GRIA4: variants seen among roughly 807,000 people sequenced by gnomAD.
The protein encoded by GRIA4 is glutamate ionotropic receptor AMPA type subunit 4, also known as glutamate receptor 4.
GRIA4 carries 34 observed loss-of-function variants against 104.0 expected under a neutral mutation model. The observed-to-expected ratio is 0.33, with a 90% CI of 0.25 to 0.44. The LOEUF (loss-of-function observed/expected upper bound fraction) is 0.44, where lower values mean the gene tolerates loss of function less well. GRIA4 is among the 20% of genes least tolerant of loss of function. GRIA4 has a pLI of 1.00. For synonymous variants in GRIA4, 386 were observed against 381.9 expected (o/e 1.01, Z -0.13); for missense variants, 750 against 1,096.5 (o/e 0.68, Z 4.46).
At chr11:105,923,723 G>T (rs538254837) in intron 11 of GRIA4, among the ~76,000 whole-genome samples, 2 of 152,204 alleles carry the variant, frequency 1.3e-5, no homozygotes, top group African/African-American at 4.8e-5. Context: ...CCTGAGAAAT[G>T]AATCTACTGT....
intron 3 of GRIA4, among the ~76,000 whole-genome samples, chr11:105,742,814 G>A (rs990884490): frequency 6.6e-6 from 1 of 152,086 alleles, no homozygotes; most frequent in African/African-American, 2.4e-5. Context: ...TCAGTTCACA[G>A]CAACCTCCAC....
rs565637618 is a variant in GRIA4, at chr11:105,751,750, A to C, written c.248-1231A>C. 3.3e-5 allele frequency among the ~76,000 whole-genome samples: 5 copies of C among 152,326 alleles called. No individual in the cohort carries two copies. In the South Asian group the frequency reaches 1.0e-3, roughly 32 times the overall value. On this transcript the variant is annotated intron_variant, in intron 3 of 16. Coordinates refer to ENST00000282499, the MANE Select transcript of GRIA4 (RefSeq NM_000829.4). Reference sequence around the variant, plus strand: ...AAAAGTAAAACTATTTAACAACATAAATGCACATAGAAAACTGTGTTAAAA... The same window carrying C: ...AAAAGTAAAACTATTTAACAACATACATGCACATAGAAAACTGTGTTAAAA...
rs548195543 is a variant in GRIA4, at chr11:105,798,756, A to T, written c.487+45536A>T. 3.3e-5 allele frequency among the ~76,000 whole-genome samples: 5 copies of T among 152,232 alleles called. 1 individual carries two copies. Among genetic ancestry groups the T allele is most frequent in the African/African-American group, 1.2e-4 (5 of 41,560 alleles). On this transcript the variant is annotated intron_variant, in intron 4 of 16. Coordinates refer to ENST00000282499, the MANE Select transcript of GRIA4 (RefSeq NM_000829.4). ...ATGTGACAGAAAGGAAGGAGCCAAA[A>T]ACCGTGCTAAGCTTTTTGACTCTAG... is the stretch of plus-strand genomic sequence containing the variant.
intron 4 of GRIA4, among the ~76,000 whole-genome samples, chr11:105,783,437 A>C (rs1344201029): frequency 6.6e-6 from 1 of 152,218 alleles, no homozygotes; most frequent in Non-Finnish European, 1.5e-5. Context: ...GCACACAGAT[A>C]GATCTCTTTC....
At chr11:105,765,688 T>C (rs956599751) in intron 4 of GRIA4, among the ~76,000 whole-genome samples, 2 of 152,202 alleles carry the variant, frequency 1.3e-5, no homozygotes, top group African/African-American at 2.4e-5. Flanking sequence ...CAGCCTTTTT[T>C]GTAAATAAAG....
intron 3 of GRIA4, among the ~76,000 whole-genome samples, chr11:105,648,628 A>G (rs1290607454): frequency 1.3e-5 from 2 of 151,998 alleles, no homozygotes; most frequent in Admixed American, 6.6e-5. Flanking sequence ...GGAAGGATGC[A>G]GAGAAAGAAA....
At chr11:105,843,372 T>C (rs1205831030) in intron 4 of GRIA4, among the ~76,000 whole-genome samples, 1 of 152,216 alleles carries the variant, frequency 6.6e-6, no homozygotes, top group African/African-American at 2.4e-5. Flanking sequence ...TTTAAATTGG[T>C]TTGAAACATA....
At chr11:105,841,006 A>G (rs1033269859) in intron 4 of GRIA4, among the ~76,000 whole-genome samples, 2 of 152,194 alleles carry the variant, frequency 1.3e-5, no homozygotes, top group African/African-American at 4.8e-5. Context: ...CTGTATAGAA[A>G]TGGCTCCTTA....
chr11:105,944,997 T>C (rs1188990492), intron 14 of GRIA4, among the ~76,000 whole-genome samples: 1 of 152,224 alleles, frequency 6.6e-6, no homozygotes, highest in African/African-American at 2.4e-5. Flanking sequence ...ACAATAATTA[T>C]TGTTCATATC....
intron 16 of GRIA4, among the ~76,000 whole-genome samples, chr11:105,977,885 A>G (rs1037977371): frequency 2.6e-5 from 4 of 152,034 alleles, no homozygotes; most frequent in Non-Finnish European, 5.9e-5. Flanking sequence ...CCTTGGTGAA[A>G]TTATTCTATA....
At chr11:105,794,473 G>GTATGTATATATATATA (rs1360490604) in intron 4 of GRIA4, among the ~76,000 whole-genome samples, 6 of 43,874 alleles carry the variant, frequency 1.4e-4, no homozygotes, top group Admixed American at 3.1e-4. Flanking sequence ...GTATATGTAT[G>GTATGTATATATATATA]TATATATATA....
chr11:105,912,327 G>A (rs1359849402), intron 10 of GRIA4: 3 of 975,980 alleles, frequency 3.1e-6, no homozygotes, highest in Admixed American at 1.2e-4. Context: ...CCTGTTCTGT[G>A]TGAAATAAAG....
chr11:105,829,692 G>C (rs1037700716), intron 4 of GRIA4, among the ~76,000 whole-genome samples: 2 of 151,858 alleles, frequency 1.3e-5, no homozygotes, highest in African/African-American at 4.8e-5. Context: ...GTCTGTTTGG[G>C]GAGAAGTTTG....
At chr11:105,759,532 C>T (rs1565523810) in intron 4 of GRIA4, among the ~76,000 whole-genome samples, 1 of 152,114 alleles carries the variant, frequency 6.6e-6, no homozygotes, top group Non-Finnish European at 1.5e-5. Context: ...CATTACTCTT[C>T]ATATAAAGTC....
intron 4 of GRIA4, among the ~76,000 whole-genome samples, chr11:105,756,995 T>C (rs1220742794): frequency 1.3e-5 from 2 of 152,034 alleles, no homozygotes; most frequent in Non-Finnish European, 2.9e-5. Context: ...CAAAAGGAGA[T>C]ACAGGTATAA....
chr11:105,916,000 A>G (rs1166048590), intron 10 of GRIA4, among the ~76,000 whole-genome samples: 1 of 152,132 alleles, frequency 6.6e-6, no homozygotes, highest in Non-Finnish European at 1.5e-5. Flanking sequence ...CCTGGCCAAC[A>G]TGGTGAAATC....
intron 14 of GRIA4, among the ~76,000 whole-genome samples, chr11:105,950,400 T>A (rs1481660366): frequency 6.6e-6 from 1 of 152,198 alleles, no homozygotes. Context: ...TGGGCCTTGT[T>A]ATTTTGGTAT....
At chr11:105,966,872 C>CACTT (rs1274484593) in intron 14 of GRIA4, among the ~76,000 whole-genome samples, 1 of 152,104 alleles carries the variant, frequency 6.6e-6, no homozygotes, top group Non-Finnish European at 1.5e-5. Context: ...AAATTAAGCT[C>CACTT]ACTTACATCT....
intron 14 of GRIA4, among the ~76,000 whole-genome samples, chr11:105,968,422 G>A (rs1032677246): frequency 1.3e-5 from 2 of 152,136 alleles, no homozygotes; most frequent in Non-Finnish European, 2.9e-5. Context: ...GACTATTTGG[G>A]GTCGCTGCAG....
Sources: gnomAD v4.1 joint callset for allele counts (sites outside exome capture counted in the v4.1 genomes callset) on GRCh38, gnomAD v4.1.1 for gene constraint, MANE v1.5 for transcripts, NCBI Gene and HGNC (gene_info 2026-07-23, HGNC 2026-07-21) for gene names.